CUL7: variants seen among roughly 807,000 people sequenced by gnomAD.
CUL7 encodes cullin 7.
Under a neutral mutation model 177.7 loss-of-function variants are expected in CUL7, and 96 were observed. The observed-to-expected ratio is 0.54, with a 90% CI of 0.46 to 0.64. The LOEUF is 0.64. Among genes scored for constraint, CUL7 ranks in the 30% least tolerant of loss-of-function variants. CUL7 has a pLI of 0.00. For synonymous variants in CUL7, 824 were observed against 890.2 expected, an observed-to-expected ratio of 0.93 and a Z score of 1.32; for missense variants, 1,893 against 2,187.9, an observed-to-expected ratio of 0.87 and a Z score of 2.69.
Position 43,040,318 on chromosome 6 carries a change from C to T in CUL7, c.4132G>A (p.Glu1378Lys). 1 of 1,614,004 alleles carries T rather than the reference C, an allele frequency of 6.2e-7. No homozygotes were observed. Among genetic ancestry groups the T allele is most frequent in the Non-Finnish European group, 8.5e-7 (1 of 1,180,014 alleles). The change falls in exon 22 of 26, where the codon GAG becomes AAG. Residue 1378 changes from glutamate to lysine, a missense_variant. Coordinates refer to ENST00000265348, the MANE Select transcript of CUL7 (RefSeq NM_014780.5). This position sits in a 1 kb window ranked among gnomAD's most constrained non-coding sequence, Gnocchi z 4.2. ...ATTGCCCCTTCATAGTAGAGGTCCT[C>T]ATTCTCCTCCTCTTCCTCCTCTCCC... is the stretch of plus-strand genomic sequence containing the variant. ...AEGEEEEEEN[E>K]DLYYEGAMPE...
rs564703357 is a variant in CUL7 at position 43,047,017 on chromosome 6, C to T, written c.2260G>A (p.Ala754Thr). The T allele has an allele frequency of 5.3e-5, 85 of 1,612,302 alleles. No individual in the cohort carries two copies. The highest frequency in any genetic ancestry group is 2.5e-4 in the South Asian group (23 of 91,044). The change falls in exon 10 of 26, where the codon GCT (alanine) becomes ACT (threonine). Residue 754 changes from alanine to threonine, a missense_variant. Around this residue, in one of 5 missense-constraint regions of CUL7, gnomAD observed 973 missense variants for 1,140.9 expected, o/e 0.85. Coordinates refer to ENST00000265348, the MANE Select transcript of CUL7 (RefSeq NM_014780.5). ...TGCTTTTCCAGGGCCTTGGAGATAGCGTCTCTTGCTCCCAGCTGATTCAGC... is the reference window on the plus strand; with the variant it reads ...TGCTTTTCCAGGGCCTTGGAGATAGTGTCTCTTGCTCCCAGCTGATTCAGC... ...VVLNQLGARD[A>T]ISKALEKHLG...
rs765951285 is a variant in CUL7 at position 43,043,066 on chromosome 6, C to T, written c.3462+8G>A. The T allele has an allele frequency of 1.9e-6, 3 of 1,613,902 alleles. No individual in the cohort carries two copies. Among genetic ancestry groups the T allele is most frequent in the Admixed American group, 1.7e-5 (1 of 60,028 alleles). On this transcript the variant is annotated splice_region_variant and intron_variant, in intron 18 of 25. Transcript: ENST00000265348. This position sits in a 1 kb window ranked among gnomAD's most constrained non-coding sequence, Gnocchi z 4.2. The stretch of plus-strand genomic sequence containing the variant: ...TCCCCTCTCTCCCGCAGGCCTGCTC[C>T]TGCCCACCTGCTTCTCCACCACGGC...
In CUL7 at chr6:43,043,362, G is replaced by T; in HGVS notation, c.3355+86C>A. On this transcript the variant is annotated intron_variant, in intron 17 of 25. Transcript: ENST00000265348. This position sits in a 1 kb window ranked among gnomAD's most constrained non-coding sequence, Gnocchi z 4.2. ...TGAGCCCATAGGGAGGGGAAGGATG[G>T]GGATGGACAGAAGCCTGTGGTGTAC... The T allele has an allele frequency of 1.4e-6, 2 of 1,389,424 alleles. No homozygotes were observed. The highest frequency in any genetic ancestry group is 1.4e-5 in the African/African-American group (1 of 70,426). The allele number at this position is 1,389,424 out of a possible 1,614,324, so 86.1% of individuals were successfully genotyped here. A position where few individuals can be genotyped will look rare whatever the true frequency, so the allele number is the denominator to read the frequency against.
At chr6:43,049,888 C>T (rs1764254552) in intron 6 of CUL7, 75 bp downstream of exon 6, 1 of 1,471,596 alleles carries the variant, frequency 6.8e-7, no homozygotes, top group Non-Finnish European at 9.5e-7. Flanking sequence ...CATCCTGAGC[C>T]TTCCAAATGC....
In CUL7 at chr6:43,040,676, C is replaced by T. The variant is rs751536179; in HGVS notation, c.3877G>A (p.Gly1293Ser). The change falls in exon 21 of 26, where the codon GGT becomes AGT. Residue 1293 changes from glycine to serine, a missense_variant. By Grantham distance (56) the Gly-to-Ser change is moderately conservative (BLOSUM62 0). Coordinates refer to ENST00000265348, the MANE Select transcript of CUL7 (RefSeq NM_014780.5). The surrounding 1 kb of genome is among the most constrained non-coding windows in gnomAD (Gnocchi z 4.2). ...WLEGAVLEQI[G>S]PCFPNRLPQQ... Reference sequence around the variant, plus strand: ...GGGAGGCGGTTGGGGAAGCAGGGACCGATCTGCTCCAGCACGGCCCCCTCC... The same window carrying T: ...GGGAGGCGGTTGGGGAAGCAGGGACTGATCTGCTCCAGCACGGCCCCCTCC... 50 of 1,614,042 alleles carry T rather than the reference C, an allele frequency of 3.1e-5. No homozygotes were observed. In the East Asian group the frequency reaches 5.1e-4, roughly 17 times the overall value.
intron 23 of CUL7, 21 bp from the exon 24 acceptor site, chr6:43,038,713 A>C (rs1383415197): frequency 6.2e-7 from 1 of 1,613,558 alleles, no homozygotes; most frequent in South Asian, 1.1e-5. Flanking sequence ...CAGATGGGAG[A>C]CATTCAGGGC....
Position 43,040,072 on chromosome 6 carries a change from C to A in CUL7, c.4294+84G>T. On this transcript the variant is annotated intron_variant, in intron 22 of 25. Transcript: ENST00000265348. This position sits in a 1 kb window ranked among gnomAD's most constrained non-coding sequence, Gnocchi z 4.2. ...TCTCTTTTTACATCAAGCCTCCCAA[C>A]ATCAGGGTCTGCCCCCAACCCCAGG... 7 of 1,510,264 alleles carry A rather than the reference C, an allele frequency of 4.6e-6. No homozygotes were observed. Among genetic ancestry groups the A allele is most frequent in the South Asian group, 1.1e-5 (1 of 88,448 alleles). The allele number at this position is 1,510,264 out of a possible 1,614,324, so 93.6% of individuals were successfully genotyped here. A position where few individuals can be genotyped will look rare whatever the true frequency, so the allele number is the denominator to read the frequency against.
At chr6:43,041,776 C>T (rs1298642429) in intron 19 of CUL7, among the ~76,000 whole-genome samples, 1 of 151,360 alleles carries the variant, frequency 6.6e-6, no homozygotes, top group Non-Finnish European at 1.5e-5. Context: ...GAGGGTGAGG[C>T]GGGCGGATCA....
At chr6:43,039,012 C>T in intron 22 of CUL7, 25 bp from the exon 23 acceptor site, 1 of 1,557,150 alleles carries the variant, frequency 6.4e-7, no homozygotes, top group Non-Finnish European at 8.9e-7. Flanking sequence ...GGGAGGGAGA[C>T]AAAGAGCAGG....
At position 43,045,944 on chromosome 6, in the gene CUL7, C is replaced by G. The variant is rs769186075; in HGVS notation, c.2766+42G>C. On this transcript the variant is annotated intron_variant, in intron 13 of 25. Coordinates refer to ENST00000265348, the MANE Select transcript of CUL7 (RefSeq NM_014780.5). The surrounding 1 kb of genome is among the most constrained non-coding windows in gnomAD (Gnocchi z 4.8). Reference sequence around the variant, plus strand: ...CCAGATAGAAGCAGGAGGGCAGATCCTGTGAGGGGTGGAGTAATGGCTAAT... The same window carrying G: ...CCAGATAGAAGCAGGAGGGCAGATCGTGTGAGGGGTGGAGTAATGGCTAAT... The G allele has an allele frequency of 1.3e-6, 2 of 1,492,346 alleles. No individual in the cohort carries two copies. Among genetic ancestry groups the G allele is most frequent in the African/African-American group, 2.8e-5 (2 of 72,296 alleles). 92.4% of individuals were successfully genotyped at this position (1,492,346 alleles called of 1,614,324 possible). A position where few individuals can be genotyped will look rare whatever the true frequency, so the allele number is the denominator to read the frequency against.
rs200389362 is a variant in CUL7 at position 43,052,243 on chromosome 6, G to T, written c.546C>A (p.Gly182=). The change falls in exon 2 of 26, where the codon GGC becomes GGA. Residue 182 remains glycine (G), a synonymous_variant. Transcript: ENST00000265348. This position sits in a 1 kb window ranked among gnomAD's most constrained non-coding sequence, Gnocchi z 4.5. ...SPDYQIRWSA[G]RMIQALSSHD... ...GGGAGGACAGGGCTTGTATCATCCGGCCTGCACTCCAGCGAATCTGATAAT... is the reference window on the plus strand; with the variant it reads ...GGGAGGACAGGGCTTGTATCATCCGTCCTGCACTCCAGCGAATCTGATAAT... 1 of 1,614,200 alleles carries T rather than the reference G, an allele frequency of 6.2e-7. No individual in the cohort carries two copies. The highest frequency in any genetic ancestry group is 1.3e-5 in the African/African-American group (1 of 75,054).
chr6:43,047,153 G>A (rs368791385), intron 9 of CUL7, 46 bp from the exon 10 acceptor site: 21 of 1,101,542 alleles, frequency 1.9e-5, no homozygotes, highest in Non-Finnish European at 2.8e-5. Context: ...CAGGGCGAGG[G>A]CCACAAGGGC....
rs199862331 is a variant in CUL7, at chr6:43,051,334, C to T, written c.867G>A (p.Arg289=). The change falls in exon 4 of 26, where the codon AGG becomes AGA. Residue 289 remains arginine (R), a synonymous_variant. Transcript: ENST00000265348. This position sits in a 1 kb window ranked among gnomAD's most constrained non-coding sequence, Gnocchi z 5.0. ...TACTGAACTCCAGCTCCAGTTGACC[C>T]CTCTCCCCACTCAACTCCTCAGGAG... ...TSAPEELSGE[R]GQLELEFSMA... is the part of the protein sequence containing the mutation. 9 of 1,611,380 alleles carry T rather than the reference C, an allele frequency of 5.6e-6. No homozygotes were observed. The highest frequency in any genetic ancestry group is 1.3e-5 in the African/African-American group (1 of 74,796).
chr6:43,050,451 T>C lies in CUL7; in HGVS notation c.1234-53A>G. The C allele has an allele frequency of 6.2e-7, 1 of 1,610,018 alleles. No homozygotes were observed. Among genetic ancestry groups the C allele is most frequent in the South Asian group, 1.1e-5 (1 of 90,978 alleles). ...GGGGAAGGGAGGACTCACAAATGAC[T>C]GGCTGTGGCCCAGTACTGAGGACTA... On this transcript the variant is annotated intron_variant, in intron 4 of 25. Transcript: ENST00000265348. This position sits in a 1 kb window ranked among gnomAD's most constrained non-coding sequence, Gnocchi z 4.1.
chr6:43,037,755 TG>T lies in CUL7; in HGVS notation c.5029del (p.Gln1677ArgfsTer32). On this transcript the variant is annotated frameshift_variant, in exon 26 of 26. Coordinates refer to ENST00000265348, the MANE Select transcript of CUL7 (RefSeq NM_014780.5). LOFTEE classifies it high-confidence loss of function. Reference protein sequence around the residue: ...PNPPLTFHTLQIRSRGVPYAS... With the variant: ...PNPPLTFHTLXIRSRGVPYAS... ...ATAGGGCACACCCCGGGAGCGAATCTGTAGGGTATGGAAGGTGAGGGGTGGG... is the reference window on the plus strand; with the variant it reads ...ATAGGGCACACCCCGGGAGCGAATCTTAGGGTATGGAAGGTGAGGGGTGGG... The T allele has an allele frequency of 6.3e-7, 1 of 1,583,196 alleles. No homozygotes were observed. Among genetic ancestry groups the T allele is most frequent in the East Asian group, 2.3e-5 (1 of 43,406 alleles).
In CUL7 at chr6:43,049,955, G is replaced by A. The variant is rs1195041532; in HGVS notation, c.1569+8C>T. 6.2e-7 allele frequency: 1 copy of A among 1,612,932 alleles called. No homozygotes were observed. Among genetic ancestry groups the A allele is most frequent in the African/African-American group, 1.3e-5 (1 of 74,900 alleles). On this transcript the variant is annotated splice_region_variant and intron_variant, in intron 6 of 25. Transcript: ENST00000265348. Reference sequence around the variant, plus strand: ...TCCAACCTCTGAGTGTCTCCAGGCTGGCTCTACCTCCCCATCTAGGTTCTC... The same window carrying A: ...TCCAACCTCTGAGTGTCTCCAGGCTAGCTCTACCTCCCCATCTAGGTTCTC...
At chr6:43,042,570 C>T (rs1389332119) in intron 19 of CUL7, among the ~76,000 whole-genome samples, 1 of 152,106 alleles carries the variant, frequency 6.6e-6, no homozygotes, top group Non-Finnish European at 1.5e-5. Context: ...CAAACTCCTG[C>T]CCTCAGATGA....
Position 43,050,901 on chromosome 6 carries a change from A to G in CUL7, c.1233+67T>C. ...GTGGCCTGCTGGAGCCCCCCCATAT[A>G]GAAGTCCCAGCTCTGCCCTACCCCA... On this transcript the variant is annotated intron_variant, in intron 4 of 25. Transcript: ENST00000265348. This position sits in a 1 kb window ranked among gnomAD's most constrained non-coding sequence, Gnocchi z 4.1. 1.9e-6 allele frequency: 3 copies of G among 1,588,356 alleles called. No individual in the cohort carries two copies. The highest frequency in any genetic ancestry group is 2.6e-6 in the Non-Finnish European group (3 of 1,163,614).
chr6:43,040,330 C>T lies in CUL7; in HGVS notation c.4120G>A (p.Glu1374Lys). ...TAGTAGAGGTCCTCATTCTCCTCCTCTTCCTCCTCTCCCTCCGCCACATCC... is the reference window on the plus strand; with the variant it reads ...TAGTAGAGGTCCTCATTCTCCTCCTTTTCCTCCTCTCCCTCCGCCACATCC... ...VVDVAEGEEE[E>K]EENEDLYYEG... The change falls in exon 22 of 26, where the codon GAG becomes AAG. Residue 1374 changes from glutamate (E) to lysine (K), a missense_variant. This residue lies in a region of CUL7 where 973 missense variants were observed against 1,140.9 expected (regional missense o/e 0.85). Transcript: ENST00000265348. This position sits in a 1 kb window ranked among gnomAD's most constrained non-coding sequence, Gnocchi z 4.2. 5 of 1,613,926 alleles carry T rather than the reference C, an allele frequency of 3.1e-6. No individual in the cohort carries two copies. Among genetic ancestry groups the T allele is most frequent in the Non-Finnish European group, 4.2e-6 (5 of 1,179,978 alleles).
Sources: allele counts gnomAD v4.1 joint callset (sites outside exome capture counted in the v4.1 genomes callset), GRCh38; gene constraint gnomAD v4.1.1; regional missense constraint gnomAD v4.1.1; non-coding constraint Gnocchi (gnomAD v3.1); transcripts MANE v1.5; gene names NCBI Gene and HGNC (gene_info 2026-07-23, HGNC 2026-07-21).